The following RNF180 variants were observed in gnomAD, a reference collection of about 807,000 sequenced individuals.
RNF180 encodes the protein ring finger protein 180, also known as E3 ubiquitin-protein ligase RNF180.
RNF180 carries 38 observed loss-of-function variants against 59.2 expected under a neutral mutation model. That is an observed-to-expected ratio of 0.64 (90% CI 0.50 to 0.84). The LOEUF is 0.84. Among genes scored for constraint, RNF180 ranks in the 40% least tolerant of loss-of-function variants. The probability of loss-of-function intolerance (pLI) is 0.00; values close to 1 mark genes in which losing one functional copy is unlikely to be tolerated. For missense variants in RNF180, 705 were observed against 700.9 expected, an observed-to-expected ratio of 1.01 and a Z score of -0.07; for synonymous variants, 262 against 240.3, an observed-to-expected ratio of 1.09 and a Z score of -0.84.
intron 1 of RNF180, among the ~76,000 whole-genome samples, chr5:64,182,148 G>A (rs1435519095): frequency 1.3e-5 from 2 of 151,714 alleles, no homozygotes; most frequent in African/African-American, 4.8e-5. Context: ...CCACCACCAC[G>A]CCTGGCTAAT....
At chr5:64,303,243 G>C (rs778865815) in intron 5 of RNF180, among the ~76,000 whole-genome samples, 49 of 151,346 alleles carry the variant, frequency 3.2e-4, no homozygotes, top group Non-Finnish European at 6.5e-4. Flanking sequence ...CTTTCCTTGG[G>C]CCTCCCTGAG....
intron 5 of RNF180, among the ~76,000 whole-genome samples, chr5:64,226,678 A>G (rs35207365): frequency 0.1 from 15,551 of 152,000 alleles, 893 homozygotes; most frequent in South Asian, 0.17. Context: ...AAAAAAAAAA[A>G]GAAAAAATTT....
At chr5:64,324,370 A>G (rs542227404) in intron 5 of RNF180, among the ~76,000 whole-genome samples, 2 of 152,314 alleles carry the variant, frequency 1.3e-5, no homozygotes, top group African/African-American at 2.4e-5. Context: ...TAACATGCAC[A>G]TCTTTGGGAT....
At chr5:64,231,204 A>C (rs938351383) in intron 5 of RNF180, among the ~76,000 whole-genome samples, 2 of 152,196 alleles carry the variant, frequency 1.3e-5, no homozygotes, top group African/African-American at 4.8e-5. Flanking sequence ...ACAATAAATC[A>C]CATCTTCTTG....
At chr5:64,190,770 G>GACA (rs771163205) in intron 1 of RNF180, among the ~76,000 whole-genome samples, 5 of 152,150 alleles carry the variant, frequency 3.3e-5, no homozygotes, top group African/African-American at 1.2e-4. Flanking sequence ...GCCATGTGAG[G>GACA]ACACAGTAAG....
At position 64,334,452 on chromosome 5, in the gene RNF180, T is replaced by C. The variant is rs139840046; in HGVS notation, c.1579+4046T>C. On this transcript the variant is annotated intron_variant, in intron 7 of 7. Coordinates refer to ENST00000389100, the MANE Select transcript of RNF180 (RefSeq NM_001113561.2). The stretch of plus-strand genomic sequence containing the variant: ...TGAATCCTGCCAGATAAAGCCTTTG[T>C]AATGGTCTGTTGAGGCCTGAAAAAA... Among the ~76,000 whole-genome samples the C allele has an allele frequency of 6.6e-4, 100 of 152,286 alleles. 1 individual carries two copies. The highest frequency in any genetic ancestry group is 2.4e-3 in the African/African-American group (98 of 41,574).
At chr5:64,349,591 C>A (rs536693372) in intron 7 of RNF180, among the ~76,000 whole-genome samples, 1 of 151,926 alleles carries the variant, frequency 6.6e-6, no homozygotes, top group South Asian at 2.1e-4. Flanking sequence ...CCTTGCCCCC[C>A]ACCACACCAT....
Position 64,244,025 on chromosome 5 carries a change from A to G in RNF180, c.1227+26629A>G, listed in dbSNP as rs534822229. 1.1e-4 allele frequency among the ~76,000 whole-genome samples: 16 copies of G among 152,350 alleles called. 2 individuals are homozygous for G. Among genetic ancestry groups the G allele is most frequent in the African/African-American group, 3.6e-4 (15 of 41,582 alleles). ...CTGACTGTTAGAAGGAAAACTAACA[A>G]GCAGACAGGAACAGCATCAACATCA... On this transcript the variant is annotated intron_variant, in intron 5 of 7. Coordinates refer to ENST00000389100, the MANE Select transcript of RNF180 (RefSeq NM_001113561.2).
chr5:64,248,508 G>T (rs1192003401), intron 5 of RNF180, among the ~76,000 whole-genome samples: 4 of 152,184 alleles, frequency 2.6e-5, no homozygotes, highest in African/African-American at 7.2e-5. Context: ...ATGAAAAAAT[G>T]CTCATCATCA....
At chr5:64,333,238 C>T (rs753106269) in intron 7 of RNF180, among the ~76,000 whole-genome samples, 5 of 152,030 alleles carry the variant, frequency 3.3e-5, no homozygotes, top group African/African-American at 7.2e-5. Flanking sequence ...AGTGTAGTGG[C>T]GCAATCTCAG....
intron 5 of RNF180, among the ~76,000 whole-genome samples, chr5:64,314,643 T>G (rs530674177): frequency 1.3e-5 from 2 of 152,288 alleles, no homozygotes; most frequent in African/African-American, 4.8e-5. Context: ...AAATTTAAGA[T>G]ATTTATGCAT....
At chr5:64,344,766 C>G (rs994197286) in intron 7 of RNF180, among the ~76,000 whole-genome samples, 1 of 151,890 alleles carries the variant, frequency 6.6e-6, no homozygotes, top group African/African-American at 2.4e-5. Context: ...TGTTCTCATT[C>G]TCTTCTGCTT....
chr5:64,261,961 A>G (rs1744366420), intron 5 of RNF180, among the ~76,000 whole-genome samples: 1 of 152,180 alleles, frequency 6.6e-6, no homozygotes, highest in African/African-American at 2.4e-5. Flanking sequence ...ACAAGTTCAG[A>G]GTCTTATTGA....
At chr5:64,351,130 T>G (rs1745789786) in intron 7 of RNF180, among the ~76,000 whole-genome samples, 1 of 152,040 alleles carries the variant, frequency 6.6e-6, no homozygotes, top group African/African-American at 2.4e-5. Context: ...TTCACATCCC[T>G]TGTAAGTTGG....
chr5:64,171,818 A>G (rs1749949941), intron 1 of RNF180, among the ~76,000 whole-genome samples: 1 of 152,094 alleles, frequency 6.6e-6, no homozygotes, highest in Admixed American at 6.6e-5. Flanking sequence ...ATTTGTTTTA[A>G]TTTTTAGAGG....
At chr5:64,270,483 C>G (rs906587533) in intron 5 of RNF180, among the ~76,000 whole-genome samples, 1 of 152,108 alleles carries the variant, frequency 6.6e-6, no homozygotes, top group Non-Finnish European at 1.5e-5. Flanking sequence ...TGCTCATGGC[C>G]TTAAGCACAT....
chr5:64,339,349 T>C (rs1342881899), intron 7 of RNF180, among the ~76,000 whole-genome samples: 2 of 152,296 alleles, frequency 1.3e-5, no homozygotes, highest in East Asian at 1.9e-4. Context: ...GAATTATTAC[T>C]TAAGGCTATA....
intron 7 of RNF180, among the ~76,000 whole-genome samples, chr5:64,352,170 A>T (rs1028797414): frequency 6.6e-6 from 1 of 151,902 alleles, no homozygotes; most frequent in South Asian, 2.1e-4. Context: ...TTTCTTCTAG[A>T]TTTTCTAGTT....
intron 5 of RNF180, among the ~76,000 whole-genome samples, chr5:64,321,186 A>G (rs570205869): frequency 6.0e-4 from 91 of 152,124 alleles, no homozygotes; most frequent in African/African-American, 2.1e-3. Flanking sequence ...GGCAAGAGGA[A>G]AAAAAAAGGG....
Sources: gnomAD v4.1 joint callset for allele counts (sites outside exome capture counted in the v4.1 genomes callset) on GRCh38, gnomAD v4.1.1 for gene constraint, MANE v1.5 for transcripts, NCBI Gene and HGNC (gene_info 2026-07-23, HGNC 2026-07-21) for gene names.